The following SOX5 variants were observed in gnomAD, a reference collection of about 807,000 sequenced individuals.
The protein encoded by SOX5 is SRY-box transcription factor 5, also known as transcription factor SOX-5.
Under a neutral mutation model 92.0 loss-of-function variants are expected in SOX5, and 9 were observed. The ratio of observed to expected loss-of-function variants is 0.10; its 90% CI spans 0.06 to 0.17. The LOEUF (loss-of-function observed/expected upper bound fraction) is 0.17, where lower values mean the gene tolerates loss of function less well. SOX5 is among the 10% of genes least tolerant of loss of function. The probability of loss-of-function intolerance (pLI) is 1.00; values close to 1 mark genes in which losing one functional copy is unlikely to be tolerated. For missense variants in SOX5, 642 were observed against 944.5 expected, an observed-to-expected ratio of 0.68 and a Z score of 4.20; for synonymous variants, 344 against 336.3, an observed-to-expected ratio of 1.02 and a Z score of -0.25.
At chr12:23,789,856 A>G (rs1023373994) in intron 3 of SOX5, among the ~76,000 whole-genome samples, 10 of 152,202 alleles carry the variant, frequency 6.6e-5, no homozygotes, top group Non-Finnish European at 1.5e-4. Flanking sequence ...CCATGTACAT[A>G]GAAACACTGA....
At chr12:23,807,362 A>G (rs1459666839) in intron 3 of SOX5, among the ~76,000 whole-genome samples, 1 of 152,170 alleles carries the variant, frequency 6.6e-6, no homozygotes, top group Non-Finnish European at 1.5e-5. Context: ...AGGTCATTAG[A>G]GTGGGTCCTA....
intron 4 of SOX5, among the ~76,000 whole-genome samples, chr12:24,209,597 G>C (rs1594284461): frequency 6.6e-6 from 1 of 152,194 alleles, no homozygotes; most frequent in East Asian, 1.9e-4. Flanking sequence ...AAAACTTTTT[G>C]GTAAATACTT....
rs111546087 is a variant in SOX5, at chr12:24,502,654, C to T, written c.-251+59675G>A. ...TACCAACGGGTGCTAAAATTGGTGC[C>T]GAGAAGAAGCAAATATTTGCATAGT... On this transcript the variant is annotated intron_variant, in intron 1 of 4. Transcript: ENST00000446891. 6.6e-4 allele frequency among the ~76,000 whole-genome samples: 100 copies of T among 152,084 alleles called. 1 individual carries two copies. The highest frequency in any genetic ancestry group is 1.9e-3 in the African/African-American group (79 of 41,484).
At chr12:23,771,609 T>C (rs183270266) in intron 3 of SOX5, among the ~76,000 whole-genome samples, 7 of 152,338 alleles carry the variant, frequency 4.6e-5, no homozygotes, top group African/African-American at 7.2e-5. Context: ...TTTCCAGATA[T>C]AGTGTCATAT....
At chr12:24,068,729 TATATATATATATATATATACACAC>T (rs1268786536) in intron 4 of SOX5, among the ~76,000 whole-genome samples, 9 of 99,154 alleles carry the variant, frequency 9.1e-5, no homozygotes, top group Non-Finnish European at 1.9e-4. Flanking sequence ...TATATATATA[TATATATATATATATATATACACAC>T]ACACACATTA....
intron 4 of SOX5, among the ~76,000 whole-genome samples, chr12:24,049,202 G>C (rs1436875928): frequency 2.0e-5 from 3 of 152,162 alleles, no homozygotes; most frequent in Admixed American, 6.5e-5. Flanking sequence ...TTTTCCCTCA[G>C]CATCAGTAAA....
intron 4 of SOX5, among the ~76,000 whole-genome samples, chr12:24,106,396 A>G (rs933275191): frequency 3.3e-5 from 5 of 152,222 alleles, no homozygotes; most frequent in African/African-American, 1.2e-4. Flanking sequence ...ATTCAAAACT[A>G]TACATGACAT....
intron 4 of SOX5, among the ~76,000 whole-genome samples, chr12:24,041,311 C>G (rs1049103823): frequency 5.9e-5 from 9 of 152,052 alleles, no homozygotes; most frequent in African/African-American, 2.2e-4. Flanking sequence ...GTGTCTCTAT[C>G]CCTTAAAAAA....
chr12:24,079,127 A>G (rs1943012757), intron 4 of SOX5, among the ~76,000 whole-genome samples: 1 of 151,830 alleles, frequency 6.6e-6, no homozygotes, highest in Admixed American at 6.6e-5. Flanking sequence ...TGATGAAAAG[A>G]CATGGCATTT....
At chr12:23,729,912 G>A (rs2093326759) in intron 6 of SOX5, among the ~76,000 whole-genome samples, 1 of 152,084 alleles carries the variant, frequency 6.6e-6, no homozygotes, top group Non-Finnish European at 1.5e-5. Context: ...ACTAGGACAC[G>A]CTTCTCACAC....
chr12:24,146,011 A>G (rs1347848405), intron 4 of SOX5, among the ~76,000 whole-genome samples: 2 of 152,222 alleles, frequency 1.3e-5, no homozygotes, highest in Non-Finnish European at 1.5e-5. Flanking sequence ...TAGAACCACA[A>G]GAAGAAAAAT....
chr12:23,537,227 G>A (rs2135906317), intron 13 of SOX5, among the ~76,000 whole-genome samples: 1 of 152,216 alleles, frequency 6.6e-6, no homozygotes. Flanking sequence ...TAAACATGGA[G>A]TGGGTAACTA....
chr12:23,823,463 AGGGTTTC>A (rs765894262), intron 3 of SOX5, among the ~76,000 whole-genome samples: 2 of 152,144 alleles, frequency 1.3e-5, no homozygotes, highest in South Asian at 4.1e-4. Flanking sequence ...TCTGGCTTGT[AGGGTTTC>A]TGCAGAGAGA....
intron 8 of SOX5, among the ~76,000 whole-genome samples, chr12:23,629,944 T>C (rs1487204714): frequency 2.0e-5 from 3 of 151,994 alleles, no homozygotes; most frequent in Non-Finnish European, 2.9e-5. Flanking sequence ...TAAAACTGTT[T>C]GGTCAAATAA....
At chr12:24,328,982 TA>T (rs1451649048) in intron 2 of SOX5, among the ~76,000 whole-genome samples, 1 of 152,222 alleles carries the variant, frequency 6.6e-6, no homozygotes, top group African/African-American at 2.4e-5. Context: ...TATTACATTT[TA>T]TTTCCCAAGA....
intron 4 of SOX5, among the ~76,000 whole-genome samples, chr12:24,045,424 A>G (rs1657792142): frequency 6.6e-6 from 1 of 152,152 alleles, no homozygotes; most frequent in African/African-American, 2.4e-5. Flanking sequence ...CAGCCTCCCG[A>G]GTAGCTGGGA....
intron 3 of SOX5, among the ~76,000 whole-genome samples, chr12:23,797,130 G>C (rs1408556927): frequency 2.0e-5 from 3 of 151,658 alleles, no homozygotes; most frequent in Non-Finnish European, 4.4e-5. Flanking sequence ...CATATAACTA[G>C]AATGGATTCC....
intron 1 of SOX5, among the ~76,000 whole-genome samples, chr12:24,474,774 G>A (rs1224065221): frequency 6.6e-6 from 1 of 151,762 alleles, no homozygotes; most frequent in Non-Finnish European, 1.5e-5. Flanking sequence ...GACCTCAAGT[G>A]ATCCACCCGC....
intron 1 of SOX5, among the ~76,000 whole-genome samples, chr12:24,491,791 T>C (rs1947109618): frequency 6.6e-6 from 1 of 152,194 alleles, no homozygotes; most frequent in South Asian, 2.1e-4. Context: ...TAGACTGTTC[T>C]TCCTCATGGC....
Sources: allele counts gnomAD v4.1 joint callset (sites outside exome capture counted in the v4.1 genomes callset), GRCh38; gene constraint gnomAD v4.1.1; transcripts MANE v1.5; gene names NCBI Gene and HGNC (gene_info 2026-07-23, HGNC 2026-07-21).